Variants in ISOC2 observed in about 807,000 individuals in gnomAD.
ISOC2 encodes isochorismatase domain containing 2.
Under a neutral mutation model 19.3 loss-of-function variants are expected in ISOC2, and 15 were observed. The observed-to-expected ratio is 0.78, with a 90% confidence interval of 0.52 to 1.20. ISOC2 has a LOEUF of 1.20. Among genes scored for constraint, ISOC2 ranks in the 50% most tolerant of loss-of-function variants. ISOC2 has a pLI of 0.00. For synonymous variants in ISOC2, 106 were observed against 115.8 expected, an observed-to-expected ratio of 0.92 and a Z score of 0.54; for missense variants, 285 against 272.4, an observed-to-expected ratio of 1.05 and a Z score of -0.33.
Position 55,453,049 on chromosome 19 carries a change from C to G in ISOC2, c.*259G>C. ...ACAGTCTGAGACTCTTCTTCCCCTC[C>G]CCTTCCCGCCCCGTGAAGTGGCCCG... is the stretch of plus-strand genomic sequence containing the variant. On this transcript the variant is annotated 3_prime_UTR_variant, in exon 6 of 6. Transcript: ENST00000425675. 1 of 444,186 alleles carries G rather than the reference C, an allele frequency of 2.3e-6. No individual in the cohort carries two copies. The highest frequency in any genetic ancestry group is 4.0e-6 in the Non-Finnish European group (1 of 250,786). 27.5% of individuals were successfully genotyped at this position (444,186 alleles called of 1,614,324 possible).
At chr19:55,457,147 C>T (rs1450602159) in intron 1 of ISOC2, 2 of 153,612 alleles carry the variant, frequency 1.3e-5, no homozygotes, top group Non-Finnish European at 2.9e-5. Context: ...AGAAGGGGGA[C>T]CCTGCACAGG....
intron 1 of ISOC2, chr19:55,460,024 A>G (rs11880266): frequency 0.43 from 65,468 of 152,050 alleles, 14,981 homozygotes; most frequent in African/African-American, 0.56. Context: ...TGGATACACA[A>G]ACCCTCTGAC....
At chr19:55,454,552 G>A (rs781194758) in intron 5 of ISOC2, 12 of 163,152 alleles carry the variant, frequency 7.4e-5, no homozygotes, top group Non-Finnish European at 1.3e-4. Context: ...ACTGGAGGAG[G>A]GGCACCCGGG....
chr19:55,455,723 C>T lies in ISOC2; in HGVS notation c.261G>A (p.Met87Ile), dbSNP rs745991901. ...LRPLAKTCFS[M>I]VPALQQELDS... is the part of the protein sequence containing the mutation. ...CCAGCTCCTGCTGCAGGGCAGGCAC[C>T]ATGCTGAAGCAGGTCTTGGCCAGCG... is the stretch of plus-strand genomic sequence containing the variant. Residue 87 changes from methionine (M) to isoleucine (I), a missense_variant, in exon 3 of 6, where the codon ATG becomes ATA. Met to Ile is a conservative substitution (Grantham distance 10). Transcript: ENST00000425675. The T allele has an allele frequency of 6.2e-7, 1 of 1,610,264 alleles. No individual in the cohort carries two copies. The highest frequency in any genetic ancestry group is 1.1e-5 in the South Asian group (1 of 90,266).
At chr19:55,454,927 G>A in intron 5 of ISOC2, 62 bp downstream of exon 5, 1 of 1,272,532 alleles carries the variant, frequency 7.9e-7, no homozygotes, top group Non-Finnish European at 1.1e-6. Context: ...TGTATTCTCA[G>A]AGCCCAAAGA....
In ISOC2 at chr19:55,453,226, G is replaced by C; in HGVS notation, c.*82C>G. ...ACTCCTGGTGGATCGCACCACTCTT[G>C]GGATCCAGGGATGGGGGGAACGGGC... On this transcript the variant is annotated 3_prime_UTR_variant, in exon 6 of 6. Coordinates refer to ENST00000425675, the MANE Select transcript of ISOC2 (RefSeq NM_001136201.2). 1 of 1,017,170 alleles carries C rather than the reference G, an allele frequency of 9.8e-7. No homozygotes were observed. 63.0% of individuals were successfully genotyped at this position (1,017,170 alleles called of 1,614,324 possible).
At position 55,461,586 on chromosome 19, in the gene ISOC2, C is replaced by T. The variant is rs1012333199; in HGVS notation, c.-78G>A. Reference sequence around the variant, plus strand: ...GGGGGCACCCTCACCTCTCGGCTCTCGGACGGCCACCGCTGAGGCCTCTTG... The same window carrying T: ...GGGGGCACCCTCACCTCTCGGCTCTTGGACGGCCACCGCTGAGGCCTCTTG... On this transcript the variant is annotated 5_prime_UTR_variant, in exon 1 of 6. Coordinates refer to ENST00000425675, the MANE Select transcript of ISOC2 (RefSeq NM_001136201.2). 6.6e-6 allele frequency: 1 copy of T among 152,346 alleles called. No individual in the cohort carries two copies. The highest frequency in any genetic ancestry group is 1.5e-5 in the Non-Finnish European group (1 of 68,130). 9.4% of individuals were successfully genotyped at this position (152,346 alleles called of 1,614,324 possible).
chr19:55,456,697 T>A (rs1019654243), intron 1 of ISOC2, among the ~76,000 whole-genome samples: 1 of 152,120 alleles, frequency 6.6e-6, no homozygotes, highest in African/African-American at 2.4e-5. Flanking sequence ...GGAGGTGACT[T>A]CCTTGGGAAG....
chr19:55,456,084 C>G, intron 2 of ISOC2: 1 of 592,224 alleles, frequency 1.7e-6, no homozygotes, highest in African/African-American at 1.9e-5. Context: ...GCCTGGATCC[C>G]TGGGTCTGAA....
At chr19:55,454,089 T>C (rs1985965214) in intron 5 of ISOC2, 2 of 152,654 alleles carry the variant, frequency 1.3e-5, no homozygotes, top group African/African-American at 4.8e-5. Context: ...CTCAAACCTC[T>C]GGGCTCTGAC....
chr19:55,455,608 G>T (rs1474416865), intron 3 of ISOC2, 28 bp downstream of exon 3: 1 of 1,533,138 alleles, frequency 6.5e-7, no homozygotes, highest in South Asian at 1.2e-5. Flanking sequence ...TTAGAACGAG[G>T]GACCCCTGGG....
At position 55,455,095 on chromosome 19, in the gene ISOC2, C is replaced by T. The variant is rs775704449; in HGVS notation, c.431G>A (p.Arg144Gln). The change falls in exon 5 of 6, where the codon CGG (arginine) becomes CAG (glutamine). Residue 144 changes from arginine to glutamine, a missense_variant. Physicochemically the swap from Arg to Gln is conservative, Grantham distance 43. Transcript: ENST00000425675. ...DACSSRSQVD[R>Q]LVALARMRQS... The stretch of plus-strand genomic sequence containing the variant: ...TCTCATGCGGGCCAGAGCCACCAGC[C>T]GGTCCACCTGGCTGTGAGTGGGAGG... The T allele has an allele frequency of 1.8e-5, 20 of 1,093,150 alleles. No homozygotes were observed. Among genetic ancestry groups the T allele is most frequent in the South Asian group, 2.4e-5 (2 of 81,944 alleles). The allele number at this position is 1,093,150 out of a possible 1,614,324, so 67.7% of individuals were successfully genotyped here. A position where few individuals can be genotyped will look rare whatever the true frequency, so the allele number is the denominator to read the frequency against.
chr19:55,457,865 A>G (rs8103152), intron 1 of ISOC2, among the ~76,000 whole-genome samples: 18,598 of 149,544 alleles, frequency 0.12, 1,556 homozygotes, highest in Non-Finnish European at 0.19. Flanking sequence ...AAAGCAGATG[A>G]TTGGCTGCCA....
Position 55,456,356 on chromosome 19 carries a change from A to G in ISOC2, c.131T>C (p.Met44Thr), listed in dbSNP as rs11555786. 1.2e-6 allele frequency: 2 copies of G among 1,613,740 alleles called. No individual in the cohort carries two copies. Among genetic ancestry groups the G allele is most frequent in the South Asian group, 2.2e-5 (2 of 91,070 alleles). ...GGGGGGCTGAGGTCATACCTTGAGC[A>G]TGCGGGCAGCCACTGAGACGATCTG... ...FPQIVSVAAR[M>T]LKVARLLEVP... is the part of the protein sequence containing the mutation. Residue 44 changes from methionine to threonine, a missense_variant, in exon 2 of 6, where the codon ATG becomes ACG. Physicochemically the swap from Met to Thr is moderately conservative, Grantham distance 81. Coordinates refer to ENST00000425675, the MANE Select transcript of ISOC2 (RefSeq NM_001136201.2).
At chr19:55,454,925 C>T in intron 5 of ISOC2, 64 bp downstream of exon 5, 1 of 1,262,660 alleles carries the variant, frequency 7.9e-7, no homozygotes, top group South Asian at 1.2e-5. Flanking sequence ...GATGTATTCT[C>T]AGAGCCCAAA....
At chr19:55,457,766 G>A (rs1986106541) in intron 1 of ISOC2, among the ~76,000 whole-genome samples, 1 of 150,040 alleles carries the variant, frequency 6.7e-6, no homozygotes, top group African/African-American at 2.5e-5. Context: ...GGAGGCGGAG[G>A]TTGCAGTGAG....
At chr19:55,456,895 T>TACCATCCACCCCAGTC (rs1986078940) in intron 1 of ISOC2, among the ~76,000 whole-genome samples, 2 of 152,042 alleles carry the variant, frequency 1.3e-5, no homozygotes, top group African/African-American at 4.8e-5. Context: ...CTGCCCTGGT[T>TACCATCCACCCCAGTC]ACCATCCACC....
In ISOC2 at chr19:55,453,240, G is replaced by C. The variant is rs918691178; in HGVS notation, c.*68C>G. 5.1e-6 allele frequency: 6 copies of C among 1,169,210 alleles called. No homozygotes were observed. Among genetic ancestry groups the C allele is most frequent in the Non-Finnish European group, 6.1e-6 (5 of 820,838 alleles). 72.4% of individuals were successfully genotyped at this position (1,169,210 alleles called of 1,614,324 possible). A position where few individuals can be genotyped will look rare whatever the true frequency, so the allele number is the denominator to read the frequency against. On this transcript the variant is annotated 3_prime_UTR_variant, in exon 6 of 6. Transcript: ENST00000425675. ...GCACCACTCTTGGGATCCAGGGATG[G>C]GGGGAACGGGCTTCCACTGAGGTCC...
intron 5 of ISOC2, chr19:55,453,600 G>A (rs1985944542): frequency 4.7e-6 from 2 of 423,704 alleles, no homozygotes; most frequent in South Asian, 4.3e-5. Flanking sequence ...ATCTTGGTGT[G>A]CTTTGCGGGC....
Sources: gnomAD v4.1 joint callset for allele counts (sites outside exome capture counted in the v4.1 genomes callset) on GRCh38, gnomAD v4.1.1 for gene constraint, MANE v1.5 for transcripts, NCBI Gene and HGNC (gene_info 2026-07-23, HGNC 2026-07-21) for gene names.